The following CADPS2 variants were observed in gnomAD, a reference collection of about 807,000 sequenced individuals.
CADPS2 encodes calcium dependent secretion activator 2, also known as calcium-dependent secretion activator 2.
A neutral mutation model predicts 172.5 loss-of-function variants in CADPS2; 93 were observed. The observed-to-expected ratio is 0.54, with a 90% CI of 0.46 to 0.64. The LOEUF (loss-of-function observed/expected upper bound fraction) is 0.64, where lower values mean the gene tolerates loss of function less well. Ranked by LOEUF, CADPS2 falls within the 30% of genes least tolerant of loss-of-function variation. CADPS2 has a pLI of 0.00. For missense variants in CADPS2, 1,420 were observed against 1,565.9 expected, an observed-to-expected ratio of 0.91 and a Z score of 1.57; for synonymous variants, 546 against 555.2, an observed-to-expected ratio of 0.98 and a Z score of 0.23.
intron 7 of CADPS2, among the ~76,000 whole-genome samples, chr7:122,579,398 T>TATGAAGAG (rs1428992339): frequency 6.7e-6 from 1 of 149,802 alleles, no homozygotes; most frequent in Non-Finnish European, 1.5e-5. Flanking sequence ...GTCTTTCTAG[T>TATGAAGAG]ATGAAGAGAG....
intron 17 of CADPS2, among the ~76,000 whole-genome samples, chr7:122,422,769 A>G (rs2048679139): frequency 6.6e-6 from 1 of 150,830 alleles, no homozygotes; most frequent in Non-Finnish European, 1.5e-5. Context: ...AGCCTGGCCA[A>G]CATGGTGAAA....
rs3034542 is a variant in CADPS2, at chr7:122,664,961, ATTTTTTT to A, written c.454-1399_454-1393del. On this transcript the variant is annotated intron_variant, in intron 2 of 29. Coordinates refer to ENST00000449022, the MANE Select transcript of CADPS2 (RefSeq NM_017954.11). ...CCATCATGCCTGGGCTAGTTTTTGT[ATTTTTTT>A]TTTTTTTTTTTGTAGATATGGGGTC... is the stretch of plus-strand genomic sequence containing the variant. 3.3e-4 allele frequency among the ~76,000 whole-genome samples: 45 copies of A among 135,586 alleles called. 1 individual carries two copies. The East Asian group carries it at 3.9e-3, about 12-fold the overall frequency. The allele number at this position is 135,586 out of a possible 152,430, so 88.9% of individuals were successfully genotyped here.
chr7:122,609,456 T>C (rs962637008), intron 6 of CADPS2, among the ~76,000 whole-genome samples: 15 of 152,160 alleles, frequency 9.9e-5, no homozygotes, highest in African/African-American at 3.6e-4. Flanking sequence ...TAAGAGACTA[T>C]GAAACAATGA....
intron 1 of CADPS2, among the ~76,000 whole-genome samples, chr7:122,764,211 A>T (rs117070046): frequency 6.6e-6 from 1 of 152,072 alleles, no homozygotes. Context: ...CTAAGGCTGA[A>T]GACCCTCTTA....
At chr7:122,812,418 A>G (rs1346163297) in intron 1 of CADPS2, among the ~76,000 whole-genome samples, 1 of 151,480 alleles carries the variant, frequency 6.6e-6, no homozygotes, top group Admixed American at 6.6e-5. Flanking sequence ...TGGAAAAAAA[A>G]AAAAGAGAGA....
intron 6 of CADPS2, among the ~76,000 whole-genome samples, chr7:122,599,921 A>G (rs2072495852): frequency 6.6e-6 from 1 of 152,040 alleles, no homozygotes; most frequent in South Asian, 2.1e-4. Context: ...AATTAAAGGC[A>G]GTGATTATAT....
At chr7:122,333,017 T>C (rs2035255081) in intron 28 of CADPS2, among the ~76,000 whole-genome samples, 1 of 152,198 alleles carries the variant, frequency 6.6e-6, no homozygotes, top group Non-Finnish European at 1.5e-5. Flanking sequence ...GTGTCCTTGA[T>C]GGGATGCATA....
chr7:122,586,522 G>T (rs1318376508), intron 6 of CADPS2, among the ~76,000 whole-genome samples: 2 of 151,844 alleles, frequency 1.3e-5, no homozygotes, highest in Non-Finnish European at 2.9e-5. Context: ...ACTTGGGTTT[G>T]GTTTTGAGCT....
rs141995407 is a variant in CADPS2 at position 122,795,873 on chromosome 7, G to A, written c.340-58805C>T. 6.8e-3 allele frequency among the ~76,000 whole-genome samples: 1,028 copies of A among 152,200 alleles called. 7 individuals are homozygous for A. The highest frequency in any genetic ancestry group is 0.024 in the African/African-American group (988 of 41,520). On this transcript the variant is annotated intron_variant, in intron 1 of 29. Transcript: ENST00000449022. ...AGTCCTGGCCAGGGCTGTCAGGCAA[G>A]AGAAAGCAATATAGGGCATCCAAAT...
rs1230771699 is a variant in CADPS2 at position 122,398,441 on chromosome 7, AT to A, written c.2747-4860del. Among the ~76,000 whole-genome samples the A allele has an allele frequency of 6.6e-5, 10 of 152,282 alleles. No homozygotes were observed. In the East Asian group the frequency reaches 1.9e-3, roughly 29 times the overall value. Reference sequence around the variant, plus strand: ...AATGATTTTTCTCCTCAAACTTCTCATTAGGCATTTCAGAAGGAAATGGGTA... The same window carrying A: ...AATGATTTTTCTCCTCAAACTTCTCATAGGCATTTCAGAAGGAAATGGGTA... On this transcript the variant is annotated intron_variant, in intron 20 of 29. Transcript: ENST00000449022.
At chr7:122,641,580 T>C (rs1168563919) in intron 3 of CADPS2, among the ~76,000 whole-genome samples, 2 of 152,214 alleles carry the variant, frequency 1.3e-5, no homozygotes, top group Non-Finnish European at 2.9e-5. Context: ...TATGAAAGCC[T>C]CTATTATTTC....
chr7:122,632,712 T>C (rs2076693651), intron 3 of CADPS2, among the ~76,000 whole-genome samples: 1 of 152,250 alleles, frequency 6.6e-6, no homozygotes, highest in African/African-American at 2.4e-5. Flanking sequence ...AGGTCCCACT[T>C]GTCAATTTTT....
chr7:122,331,268 T>C (rs2034900823), intron 28 of CADPS2: 1 of 152,184 alleles, frequency 6.6e-6, no homozygotes, highest in Non-Finnish European at 1.5e-5. Context: ...ACAGATACTG[T>C]TTTTATTAGT....
At chr7:122,370,111 A>C (rs2151253881) in intron 25 of CADPS2, among the ~76,000 whole-genome samples, 1 of 152,082 alleles carries the variant, frequency 6.6e-6, no homozygotes, top group East Asian at 1.9e-4. Flanking sequence ...ATTCTTAGGA[A>C]CTCAGCTCAA....
chr7:122,839,558 A>T (rs1809733559), intron 1 of CADPS2, among the ~76,000 whole-genome samples: 1 of 152,240 alleles, frequency 6.6e-6, no homozygotes, highest in South Asian at 2.1e-4. Context: ...TCCAGAATCT[A>T]CAAAGAACTC....
chr7:122,777,690 C>T (rs1272815234), intron 1 of CADPS2, among the ~76,000 whole-genome samples: 1 of 151,976 alleles, frequency 6.6e-6, no homozygotes, highest in African/African-American at 2.4e-5. Context: ...AATAGGCTTT[C>T]CCCCACTTCC....
At chr7:122,837,973 C>CA (rs199925802) in intron 1 of CADPS2, among the ~76,000 whole-genome samples, 1 of 151,918 alleles carries the variant, frequency 6.6e-6, no homozygotes, top group Non-Finnish European at 1.5e-5. Context: ...AGAGACACAA[C>CA]AAAAAAAGAG....
intron 25 of CADPS2, among the ~76,000 whole-genome samples, chr7:122,366,547 G>A (rs1471024988): frequency 6.6e-6 from 1 of 150,524 alleles, no homozygotes; most frequent in Non-Finnish European, 1.5e-5. Flanking sequence ...GGAGGTTGAA[G>A]TGAGTCGAGA....
At chr7:122,471,142 T>C (rs894659360) in intron 14 of CADPS2, among the ~76,000 whole-genome samples, 10 of 151,848 alleles carry the variant, frequency 6.6e-5, no homozygotes, top group African/African-American at 2.4e-4. Context: ...CTCATATTTT[T>C]TCTCTCTCTC....
Sources: allele counts gnomAD v4.1 joint callset (sites outside exome capture counted in the v4.1 genomes callset), GRCh38; gene constraint gnomAD v4.1.1; transcripts MANE v1.5; gene names NCBI Gene and HGNC (gene_info 2026-07-23, HGNC 2026-07-21).